LMBRD1: variants seen among roughly 807,000 people sequenced by gnomAD.
LMBRD1 encodes the protein lysosomal cobalamin transport escort protein LMBD1.
Under a neutral mutation model 74.8 loss-of-function variants are expected in LMBRD1, and 64 were observed. That is an observed-to-expected ratio of 0.86 (90% CI 0.70 to 1.05). The LOEUF is 1.05. LMBRD1 is among the 50% of genes least tolerant of loss of function. LMBRD1 has a pLI of 0.00. For missense variants in LMBRD1, 652 were observed against 645.9 expected (o/e 1.01, Z -0.10); for synonymous variants, 204 against 216.3 (o/e 0.94, Z 0.50).
At chr6:69,709,293 C>A (rs1226143641) in intron 9 of LMBRD1, among the ~76,000 whole-genome samples, 1 of 151,168 alleles carries the variant, frequency 6.6e-6, no homozygotes, top group Non-Finnish European at 1.5e-5. Flanking sequence ...TTCTGAATTA[C>A]ACCAATTGTA....
chr6:69,690,510 C>G (rs1280480373), intron 14 of LMBRD1, among the ~76,000 whole-genome samples: 1 of 152,100 alleles, frequency 6.6e-6, no homozygotes, highest in Admixed American at 6.5e-5. Flanking sequence ...ATTAGATTTA[C>G]AAACAACTTT....
chr6:69,790,659 G>C, intron 1 of LMBRD1, 187 bp from the exon 2 acceptor site: 1 of 619,314 alleles, frequency 1.6e-6, no homozygotes, highest in East Asian at 2.9e-5. Context: ...CTTCATGAAT[G>C]CAGTACATCA....
At chr6:69,738,910 T>A (rs1250554136) in intron 6 of LMBRD1, among the ~76,000 whole-genome samples, 1 of 152,166 alleles carries the variant, frequency 6.6e-6, no homozygotes, top group African/African-American at 2.4e-5. Flanking sequence ...AAAATTATAA[T>A]GATCTATCAT....
chr6:69,705,567 T>G, intron 9 of LMBRD1: 1 of 1,269,042 alleles, frequency 7.9e-7, no homozygotes, highest in Non-Finnish European at 1.1e-6. Flanking sequence ...TTGTGCATTT[T>G]TGGCTGGAGT....
At chr6:69,777,828 T>A (rs2149891650) in intron 3 of LMBRD1, among the ~76,000 whole-genome samples, 1 of 152,368 alleles carries the variant, frequency 6.6e-6, no homozygotes, top group South Asian at 2.1e-4. Flanking sequence ...ACTTAGCCTC[T>A]GACAGAAGAG....
chr6:69,749,601 A>AT (rs982488622), intron 4 of LMBRD1, among the ~76,000 whole-genome samples, 193 bp from the exon 5 acceptor site: 1 of 151,734 alleles, frequency 6.6e-6, no homozygotes. Flanking sequence ...AAAACATGAG[A>AT]TTTTTTAAAT....
chr6:69,687,159 A>T (rs1037770292), intron 14 of LMBRD1, among the ~76,000 whole-genome samples: 1 of 151,876 alleles, frequency 6.6e-6, no homozygotes, highest in Non-Finnish European at 1.5e-5. Context: ...CCTCAAGCAT[A>T]CTCCTGCTGT....
intron 7 of LMBRD1, among the ~76,000 whole-genome samples, chr6:69,734,403 T>A (rs1444648459): frequency 1.3e-5 from 2 of 152,120 alleles, no homozygotes; most frequent in African/African-American, 4.8e-5. Context: ...ACCAATTTTT[T>A]TTTTTTTTTG....
chr6:69,743,372 G>C (rs1209287795), intron 5 of LMBRD1, among the ~76,000 whole-genome samples: 1 of 152,164 alleles, frequency 6.6e-6, no homozygotes, highest in Non-Finnish European at 1.5e-5. Flanking sequence ...CAGTATGTCA[G>C]TTTTAGGTAA....
intron 15 of LMBRD1, 55 bp from the exon 16 acceptor site, chr6:69,676,326 G>GTAA: frequency 6.3e-7 from 1 of 1,590,998 alleles, no homozygotes; most frequent in Non-Finnish European, 8.6e-7. Flanking sequence ...CATCTGGAAA[G>GTAA]TAATGCTTTA....
At chr6:69,713,351 T>C (rs1195331036) in intron 9 of LMBRD1, among the ~76,000 whole-genome samples, 2 of 152,060 alleles carry the variant, frequency 1.3e-5, no homozygotes, top group African/African-American at 4.8e-5. Context: ...AAGCTCTAAG[T>C]CCCAGATCAA....
chr6:69,676,386 G>A (rs111890332), intron 15 of LMBRD1, 64 bp downstream of exon 15: 2 of 1,575,970 alleles, frequency 1.3e-6, no homozygotes, highest in African/African-American at 2.7e-5. Context: ...GATAAAAAGA[G>A]TTTACACATT....
chr6:69,705,342 C>T lies in LMBRD1; in HGVS notation c.916-3389G>A, dbSNP rs1291353138. ...TTGAATAGCCTCCTGGTCAGTCATC[C>T]GGAAGCAATTCTTCATATAATTGAT... On this transcript the variant is annotated intron_variant, in intron 9 of 15. Coordinates refer to ENST00000649934, the MANE Select transcript of LMBRD1 (RefSeq NM_018368.4). The T allele has an allele frequency of 2.6e-5, 20 of 779,004 alleles. No homozygotes were observed. The East Asian group carries it at 4.2e-4, about 16-fold the overall frequency. The allele number at this position is 779,004 out of a possible 1,614,324, so 48.3% of individuals were successfully genotyped here. A position where few individuals can be genotyped will look rare whatever the true frequency, so the allele number is the denominator to read the frequency against.
At chr6:69,713,895 G>C in intron 8 of LMBRD1, 98 bp from the exon 9 acceptor site, 1 of 1,339,634 alleles carries the variant, frequency 7.5e-7, no homozygotes, top group Non-Finnish European at 1.1e-6. Context: ...TTTCAGGATG[G>C]ACACTCTTTA....
At chr6:69,739,494 G>C (rs755086894) in intron 6 of LMBRD1, among the ~76,000 whole-genome samples, 3 of 152,024 alleles carry the variant, frequency 2.0e-5, no homozygotes, top group African/African-American at 4.8e-5. Flanking sequence ...CAATAAAAAG[G>C]AACTACTAAT....
intron 3 of LMBRD1, among the ~76,000 whole-genome samples, chr6:69,765,591 A>T (rs1481674424): frequency 6.6e-6 from 1 of 151,998 alleles, no homozygotes; most frequent in Non-Finnish European, 1.5e-5. Context: ...GGCTACTGTA[A>T]ATCCTGTTGA....
chr6:69,771,328 C>T (rs991973), intron 3 of LMBRD1, among the ~76,000 whole-genome samples: 17,111 of 152,202 alleles, frequency 0.11, 2,699 homozygotes, highest in African/African-American at 0.35. Context: ...CTATCAGTTC[C>T]TTGCTATGTG....
rs548880071 is a variant in LMBRD1, at chr6:69,704,741, A to C, written c.916-2788T>G. 4.6e-5 allele frequency among the ~76,000 whole-genome samples: 7 copies of C among 152,284 alleles called. No homozygotes were observed. In the East Asian group the frequency reaches 1.4e-3, roughly 29 times the overall value. On this transcript the variant is annotated intron_variant, in intron 9 of 15. Coordinates refer to ENST00000649934, the MANE Select transcript of LMBRD1 (RefSeq NM_018368.4). ...AGTACTAAATTAGGACTCTATTTTC[A>C]ATCCATGGGTGGTTGAATCTGCAAA...
chr6:69,724,348 T>TAAAA (rs60541159), intron 7 of LMBRD1, among the ~76,000 whole-genome samples: 12 of 122,140 alleles, frequency 9.8e-5, no homozygotes, highest in South Asian at 2.9e-4. Flanking sequence ...AAGACACATT[T>TAAAA]AAAAAAAAAA....
Sources: gnomAD v4.1 joint callset for allele counts (sites outside exome capture counted in the v4.1 genomes callset) on GRCh38, gnomAD v4.1.1 for gene constraint, MANE v1.5 for transcripts, NCBI Gene and HGNC (gene_info 2026-07-23, HGNC 2026-07-21) for gene names.